The following FHOD3 variants were observed in gnomAD, a reference collection of about 807,000 sequenced individuals.
FHOD3 encodes FH1/FH2 domain-containing protein 3.
Under a neutral mutation model 173.0 loss-of-function variants are expected in FHOD3, and 90 were observed. The observed-to-expected ratio is 0.52, with a 90% CI of 0.44 to 0.62. The LOEUF (loss-of-function observed/expected upper bound fraction) is 0.62, where lower values mean the gene tolerates loss of function less well. Ranked by LOEUF, FHOD3 falls within the 20% of genes least tolerant of loss-of-function variation. The pLI is 0.00. For synonymous variants in FHOD3, 828 were observed against 823.0 expected, an observed-to-expected ratio of 1.01 and a Z score of -0.10; for missense variants, 1,945 against 2,034.7, an observed-to-expected ratio of 0.96 and a Z score of 0.85.
At chr18:36,722,897 C>T (rs9941433) in intron 19 of FHOD3, among the ~76,000 whole-genome samples, 74,776 of 151,914 alleles carry the variant, frequency 0.49, 18,626 homozygotes, top group African/African-American at 0.54. Context: ...GATAGAAATC[C>T]TCCTATGCTG....
intron 3 of FHOD3, among the ~76,000 whole-genome samples, chr18:36,388,368 C>T (rs922432750): frequency 5.9e-5 from 9 of 152,118 alleles, no homozygotes; most frequent in African/African-American, 2.2e-4. Flanking sequence ...GGACTGTAAC[C>T]CAGTCCCATG....
chr18:36,455,109 A>T (rs2052100363), intron 3 of FHOD3, among the ~76,000 whole-genome samples: 3 of 152,256 alleles, frequency 2.0e-5, no homozygotes, highest in Non-Finnish European at 2.9e-5. Context: ...AGGTGTCAGC[A>T]ACGTTTCTGA....
intron 9 of FHOD3, among the ~76,000 whole-genome samples, chr18:36,612,419 GAT>G: frequency 6.6e-6 from 1 of 152,296 alleles, no homozygotes. Context: ...GAGAGAAAGA[GAT>G]AGAGACAGAA....
chr18:36,512,774 C>T lies in FHOD3; in HGVS notation c.511+231C>T, dbSNP rs138755860. 2.6e-5 allele frequency among the ~76,000 whole-genome samples: 4 copies of T among 152,254 alleles called. No individual in the cohort carries two copies. The East Asian group carries it at 5.8e-4, about 22-fold the overall frequency. ...GACTTTCACCTGGAGTTATTTTACA[C>T]GCTTACTAGGAAAACTGTACCACTC... On this transcript the variant is annotated intron_variant, in intron 5 of 28. Coordinates refer to ENST00000590592, the MANE Select transcript of FHOD3 (RefSeq NM_001281740.3).
chr18:36,605,993 A>G (rs1030255061), intron 8 of FHOD3, among the ~76,000 whole-genome samples: 5 of 152,146 alleles, frequency 3.3e-5, no homozygotes, highest in African/African-American at 1.2e-4. Flanking sequence ...AAAATAGGAG[A>G]AAGCACACTG....
chr18:36,708,730 C>T (rs770148889), intron 17 of FHOD3, among the ~76,000 whole-genome samples: 1 of 152,182 alleles, frequency 6.6e-6, no homozygotes, highest in Non-Finnish European at 1.5e-5. Context: ...CTTCTAGAGG[C>T]CACCTGCATT....
intron 14 of FHOD3, among the ~76,000 whole-genome samples, chr18:36,675,137 T>A (rs2037768228): frequency 6.6e-6 from 1 of 152,194 alleles, no homozygotes; most frequent in South Asian, 2.1e-4. Context: ...CCTGCACACC[T>A]AGGGAAGGCT....
intron 6 of FHOD3, among the ~76,000 whole-genome samples, chr18:36,592,468 G>T (rs1025771960): frequency 1.3e-5 from 2 of 152,224 alleles, no homozygotes; most frequent in East Asian, 3.9e-4. Context: ...AGTGCACTGG[G>T]CCGGAGAGGG....
chr18:36,344,691 G>A (rs1413407430), intron 1 of FHOD3, among the ~76,000 whole-genome samples: 1 of 152,138 alleles, frequency 6.6e-6, no homozygotes, highest in Non-Finnish European at 1.5e-5. Flanking sequence ...ATGCAGATTT[G>A]AACTCAAACA....
At chr18:36,339,039 G>A (rs886884958) in intron 1 of FHOD3, among the ~76,000 whole-genome samples, 3 of 152,146 alleles carry the variant, frequency 2.0e-5, no homozygotes, top group Admixed American at 2.0e-4. Flanking sequence ...GGGAGATGAA[G>A]TGGTGGTGTC....
chr18:36,332,348 G>T (rs2045062549), intron 1 of FHOD3, among the ~76,000 whole-genome samples: 1 of 152,326 alleles, frequency 6.6e-6, no homozygotes, highest in East Asian at 1.9e-4. Context: ...GGCTCTCCTT[G>T]CAAGGCTTCT....
chr18:36,447,143 A>C (rs1367915557), intron 3 of FHOD3, among the ~76,000 whole-genome samples: 1 of 152,182 alleles, frequency 6.6e-6, no homozygotes, highest in African/African-American at 2.4e-5. Context: ...AGTATTCCTC[A>C]AACCACAACC....
chr18:36,510,507 A>G (rs1400352929), intron 4 of FHOD3, among the ~76,000 whole-genome samples: 3 of 152,158 alleles, frequency 2.0e-5, no homozygotes, highest in Non-Finnish European at 2.9e-5. Flanking sequence ...CAGACAGTCA[A>G]TTCTCTGGTA....
intron 1 of FHOD3, 97 bp downstream of exon 1, chr18:36,298,097 G>T (rs771148246): frequency 3.3e-5 from 39 of 1,177,008 alleles, no homozygotes; most frequent in Non-Finnish European, 4.4e-5. Flanking sequence ...CCCCTGGGCT[G>T]GGCTGGGCGC....
chr18:36,385,355 T>C (rs11081944), intron 3 of FHOD3, among the ~76,000 whole-genome samples: 66,694 of 151,652 alleles, frequency 0.44, 15,084 homozygotes, highest in East Asian at 0.68. Flanking sequence ...GCTTAGCTGC[T>C]GGCATTGGTG....
chr18:36,355,990 G>A (rs963024787), intron 2 of FHOD3, among the ~76,000 whole-genome samples: 5 of 152,186 alleles, frequency 3.3e-5, no homozygotes, highest in Non-Finnish European at 2.9e-5. Context: ...CCAGCTACTC[G>A]GGAGGCTGAG....
At chr18:36,568,622 A>C (rs771578989) in intron 5 of FHOD3, among the ~76,000 whole-genome samples, 5 of 152,136 alleles carry the variant, frequency 3.3e-5, no homozygotes, top group African/African-American at 4.8e-5. Flanking sequence ...ACAGAGCTCA[A>C]CCAAATGGCA....
chr18:36,416,677 T>C (rs555368517), intron 3 of FHOD3, among the ~76,000 whole-genome samples: 1 of 152,290 alleles, frequency 6.6e-6, no homozygotes, highest in East Asian at 1.9e-4. Flanking sequence ...TGTGTTGGAC[T>C]TTTGCATCGC....
intron 27 of FHOD3, among the ~76,000 whole-genome samples, chr18:36,765,446 A>G (rs1473926642): frequency 6.6e-6 from 1 of 152,214 alleles, no homozygotes; most frequent in African/African-American, 2.4e-5. Flanking sequence ...ATTACAAGCC[A>G]CAGGAATAAC....
Sources: allele counts gnomAD v4.1 joint callset (sites outside exome capture counted in the v4.1 genomes callset), GRCh38; gene constraint gnomAD v4.1.1; transcripts MANE v1.5; gene names NCBI Gene and HGNC (gene_info 2026-07-23, HGNC 2026-07-21).